The following OXNAD1 variants were observed in gnomAD, a reference collection of about 807,000 sequenced individuals.
OXNAD1 encodes oxidoreductase NAD binding domain containing 1.
A neutral mutation model predicts 32.9 loss-of-function variants in OXNAD1; 34 were observed. That is an observed-to-expected ratio of 1.03 (90% CI 0.79 to 1.38). The LOEUF (loss-of-function observed/expected upper bound fraction) is 1.38. Ranked by LOEUF, OXNAD1 falls within the 40% of genes most tolerant of loss-of-function variation. The pLI, the probability that OXNAD1 is intolerant of heterozygous loss-of-function variation, is 0.00. For missense variants in OXNAD1, 407 were observed against 379.4 expected (o/e 1.07, Z -0.60); for synonymous variants, 134 against 135.2 (o/e 0.99, Z 0.06).
In OXNAD1 at chr3:16,312,565, T is replaced by C. The variant is rs1174905854; in HGVS notation, c.*30+8973T>C. Among the ~76,000 whole-genome samples, 1 of 152,212 alleles carries C rather than the reference T, an allele frequency of 6.6e-6. No individual in the cohort carries two copies. Among genetic ancestry groups the C allele is most frequent in the Non-Finnish European group, 1.5e-5 (1 of 68,032 alleles). On this transcript the variant is annotated intron_variant, in intron 9 of 9. Transcript: ENST00000435829. This position sits in a 1 kb window ranked among gnomAD's most constrained non-coding sequence, Gnocchi z 4.7. ...CTAGCAGGACAGAGCCCAGACTGTG[T>C]GCTCCCTGCAGCACAGTGCCCCTAT...
Position 16,313,171 on chromosome 3 carries a change from A to G in OXNAD1, c.*30+9579A>G, listed in dbSNP as rs561731618. Among the ~76,000 whole-genome samples the G allele has an allele frequency of 3.5e-5, 5 of 144,466 alleles. No individual in the cohort carries two copies. In the South Asian group the frequency reaches 1.1e-3, roughly 32 times the overall value. The allele number at this position is 144,466 out of a possible 152,430, so 94.8% of individuals were successfully genotyped here. A position where few individuals can be genotyped will look rare whatever the true frequency, so the allele number is the denominator to read the frequency against. On this transcript the variant is annotated intron_variant, in intron 9 of 9. Transcript: ENST00000435829. The stretch of plus-strand genomic sequence containing the variant: ...AGCAATTCTCTCACTTTAGCCTCCC[A>G]AGTAGCTGGTACATGTACCACCACA...
In OXNAD1 at chr3:16,286,329, C is replaced by T. The variant is rs1300074008; in HGVS notation, c.184-13C>T. 3.1e-6 allele frequency: 5 copies of T among 1,603,398 alleles called. No homozygotes were observed. In the Admixed American group the frequency reaches 6.7e-5, roughly 21 times the overall value. ...CGCACTAACCTCAGCCACAGTTCATCTTTTGGTTTTAGATTGTGTCAGCAG... is the reference window on the plus strand; with the variant it reads ...CGCACTAACCTCAGCCACAGTTCATTTTTTGGTTTTAGATTGTGTCAGCAG... On this transcript the variant is annotated splice_polypyrimidine_tract_variant and intron_variant, in intron 4 of 8. Transcript: ENST00000285083.
intron 4 of OXNAD1, among the ~76,000 whole-genome samples, chr3:16,285,971 C>T (rs1233390436): frequency 2.6e-5 from 4 of 152,104 alleles, no homozygotes; most frequent in Non-Finnish European, 5.9e-5. Context: ...AACGGCAGCT[C>T]CTTGATAAGA....
At position 16,301,518 on chromosome 3, in the gene OXNAD1, T is replaced by G; in HGVS notation, c.433-108T>G. On this transcript the variant is annotated intron_variant, in intron 6 of 8. Coordinates refer to ENST00000285083, the MANE Select transcript of OXNAD1 (RefSeq NM_138381.5). The surrounding 1 kb of genome is among the most constrained non-coding windows in gnomAD (Gnocchi z 4.1). ...AATTGGGAGCAAGCTATAAAAATAG[T>G]CTTAAATACTGATAATACAGGAGAT... 3 of 1,306,752 alleles carry G rather than the reference T, an allele frequency of 2.3e-6. No individual in the cohort carries two copies. The South Asian group carries it at 4.4e-5, about 19-fold the overall frequency. 80.9% of individuals were successfully genotyped at this position (1,306,752 alleles called of 1,614,324 possible).
At chr3:16,318,771 C>A (rs2068715015) in intron 9 of OXNAD1, among the ~76,000 whole-genome samples, 1 of 152,306 alleles carries the variant, frequency 6.6e-6, no homozygotes, top group Admixed American at 6.5e-5. Flanking sequence ...AGTTCACTTA[C>A]AATGTTGGAT....
At chr3:16,272,463 G>A (rs1459655110) in intron 4 of OXNAD1, 1 of 166,646 alleles carries the variant, frequency 6.0e-6, no homozygotes, top group Non-Finnish European at 1.3e-5. Context: ...TTCATGTAAA[G>A]AAGGATTATA....
At chr3:16,293,012 C>T (rs1179287993) in intron 5 of OXNAD1, among the ~76,000 whole-genome samples, 1 of 152,178 alleles carries the variant, frequency 6.6e-6, no homozygotes, top group Non-Finnish European at 1.5e-5. Flanking sequence ...ATGGGTTCCT[C>T]AAATTTCCAT....
intron 5 of OXNAD1, among the ~76,000 whole-genome samples, chr3:16,292,641 G>C (rs1296179891): frequency 6.6e-6 from 1 of 152,086 alleles, no homozygotes; most frequent in African/African-American, 2.4e-5. Flanking sequence ...TTTATTCTAA[G>C]AGTTTATAAT....
downstream of OXNAD1, among the ~76,000 whole-genome samples, chr3:16,351,638 C>T (rs1248144303): frequency 6.6e-6 from 1 of 152,178 alleles, no homozygotes; most frequent in African/African-American, 2.4e-5. This position sits in a 1 kb window ranked among gnomAD's most constrained non-coding sequence, Gnocchi z 5.4. Context: ...CTAGGATGCT[C>T]ATGCCCTTCT....
chr3:16,323,645 A>G (rs2069343726), intron 9 of OXNAD1, among the ~76,000 whole-genome samples: 1 of 152,188 alleles, frequency 6.6e-6, no homozygotes, highest in African/African-American at 2.4e-5. Context: ...GCTATCTCAG[A>G]TGCCCAACAA....
chr3:16,348,460 T>A lies in OXNAD1; in HGVS notation c.*31-716T>A, dbSNP rs1022286188. Among the ~76,000 whole-genome samples the A allele has an allele frequency of 1.6e-4, 24 of 152,168 alleles. No individual in the cohort carries two copies. Among genetic ancestry groups the A allele is most frequent in the African/African-American group, 5.8e-4 (24 of 41,446 alleles). ...CCCCACACTCAATTCCCTTAGCCCATCCAAGTCCTGGCTTGACTTGCCAAT... is the reference window on the plus strand; with the variant it reads ...CCCCACACTCAATTCCCTTAGCCCAACCAAGTCCTGGCTTGACTTGCCAAT... On this transcript the variant is annotated intron_variant, in intron 9 of 9. Coordinates refer to the OXNAD1 transcript ENST00000606098. The surrounding 1 kb of genome is among the most constrained non-coding windows in gnomAD (Gnocchi z 6.3).
rs559676828 is a variant in OXNAD1, at chr3:16,276,929, T to C, written c.183+5207T>C. ...TCTGTTTCTTTTTCTTTCTTTCTTT[T>C]TTTTTTTTTTTGAGACAGAGTCTCT... On this transcript the variant is annotated intron_variant, in intron 4 of 8. Transcript: ENST00000285083. 9.2e-5 allele frequency among the ~76,000 whole-genome samples: 13 copies of C among 141,910 alleles called. No homozygotes were observed. The East Asian group carries it at 1.4e-3, about 16-fold the overall frequency. The allele number at this position is 141,910 out of a possible 152,430, so 93.1% of individuals were successfully genotyped here.
At chr3:16,272,208 G>C (rs1005774559) in intron 4 of OXNAD1, 1 of 444,708 alleles carries the variant, frequency 2.2e-6, no homozygotes, top group African/African-American at 2.0e-5. Context: ...ACGAGCTCTT[G>C]TTACCCTTCT....
chr3:16,293,131 A>G (rs942486916), intron 5 of OXNAD1, among the ~76,000 whole-genome samples: 12 of 152,244 alleles, frequency 7.9e-5, no homozygotes, highest in Admixed American at 4.6e-4. Context: ...CATCTTAGCA[A>G]TATTTAAGTC....
rs2070739440 is a variant in OXNAD1, at chr3:16,335,318, G to A, written c.*31-1794G>A. Among the ~76,000 whole-genome samples the A allele has an allele frequency of 1.3e-5, 2 of 152,278 alleles. No homozygotes were observed. Among genetic ancestry groups the A allele is most frequent in the East Asian group, 1.9e-4 (1 of 5,164 alleles). On this transcript the variant is annotated intron_variant, in intron 9 of 9. Transcript: ENST00000435829. This position sits in a 1 kb window ranked among gnomAD's most constrained non-coding sequence, Gnocchi z 4.7. Reference sequence around the variant, plus strand: ...GTGAGGGGGTGAGCAGAAGATGAACGAAAATGGGCTGAGTGGGAAGGAATC... The same window carrying A: ...GTGAGGGGGTGAGCAGAAGATGAACAAAAATGGGCTGAGTGGGAAGGAATC...
intron 4 of OXNAD1, among the ~76,000 whole-genome samples, chr3:16,276,983 G>A (rs990589869): frequency 6.7e-6 from 1 of 149,746 alleles, no homozygotes; most frequent in Non-Finnish European, 1.5e-5. Context: ...AAAGCGCAAT[G>A]GTGCGATCTT....
At chr3:16,315,275 C>G (rs2068266091) in intron 9 of OXNAD1, among the ~76,000 whole-genome samples, 1 of 152,102 alleles carries the variant, frequency 6.6e-6, no homozygotes, top group Non-Finnish European at 1.5e-5. Context: ...GCCACCACGC[C>G]CAGCTAATTT....
rs1027595465 is a variant in OXNAD1 at position 16,301,324 on chromosome 3, C to T, written c.433-302C>T. Among the ~76,000 whole-genome samples, 2 of 152,234 alleles carry T rather than the reference C, an allele frequency of 1.3e-5. No individual in the cohort carries two copies. The highest frequency in any genetic ancestry group is 4.8e-5 in the African/African-American group (2 of 41,456). On this transcript the variant is annotated intron_variant, in intron 6 of 8. Transcript: ENST00000285083. The surrounding 1 kb of genome is among the most constrained non-coding windows in gnomAD (Gnocchi z 4.1). ...TGTACCCTGCCTTTGAGTCCATTGC[C>T]TCTTTCCTCAATCCAGTTCATCGCC...
intron 4 of OXNAD1, chr3:16,276,306 C>A: frequency 5.2e-6 from 1 of 191,634 alleles, no homozygotes; most frequent in South Asian, 9.1e-5. Context: ...TTTAGGCATA[C>A]TTTTTTCTCA....
Sources: gnomAD v4.1 joint callset for allele counts (sites outside exome capture counted in the v4.1 genomes callset) on GRCh38, gnomAD v4.1.1 for gene constraint, Gnocchi (gnomAD v3.1) non-coding constraint, MANE v1.5 for transcripts, NCBI Gene and HGNC (gene_info 2026-07-23, HGNC 2026-07-21) for gene names.